Variants in TRIM24 observed in about 807,000 individuals in gnomAD.
TRIM24 encodes tripartite motif containing 24.
A neutral mutation model predicts 123.9 loss-of-function variants in TRIM24; 29 were observed. That is an observed-to-expected ratio of 0.23 (90% confidence interval 0.17 to 0.32). The LOEUF is 0.32. Among genes scored for constraint, TRIM24 ranks in the 10% least tolerant of loss-of-function variants. The probability of loss-of-function intolerance (pLI) is 1.00; values close to 1 mark genes in which losing one functional copy is unlikely to be tolerated. For synonymous variants in TRIM24, 456 were observed against 461.1 expected (o/e 0.99, Z 0.14); for missense variants, 932 against 1,295.3 (o/e 0.72, Z 4.31).
Position 138,578,287 on chromosome 7 carries a change from A to G in TRIM24, c.2256+699A>G, listed in dbSNP as rs1006501945. Among the ~76,000 whole-genome samples the G allele has an allele frequency of 7.2e-5, 11 of 152,020 alleles. No individual in the cohort carries two copies. In the East Asian group the frequency reaches 1.5e-3, roughly 21 times the overall value. ...TGAACAATATTTAAATAATAATAATAATGATGTAAACAAACACCTGAGTAC... is the reference window on the plus strand; with the variant it reads ...TGAACAATATTTAAATAATAATAATGATGATGTAAACAAACACCTGAGTAC... On this transcript the variant is annotated intron_variant, in intron 14 of 18. Transcript: ENST00000343526.
At chr7:138,480,886 A>G (rs1328065718) in intron 1 of TRIM24, among the ~76,000 whole-genome samples, 3 of 152,138 alleles carry the variant, frequency 2.0e-5, no homozygotes, top group African/African-American at 7.2e-5. Flanking sequence ...CACTTTCCAT[A>G]TCCATCATTT....
intron 2 of TRIM24, among the ~76,000 whole-genome samples, chr7:138,513,477 A>AT (rs1477791688): frequency 1.1e-4 from 16 of 152,320 alleles, no homozygotes; most frequent in African/African-American, 3.8e-4. Context: ...TACAGGAAGC[A>AT]TGATCCTGGC....
rs112876143 is a variant in TRIM24, at chr7:138,579,862, G to A, written c.2585+330G>A. Among the ~76,000 whole-genome samples, 732 of 152,264 alleles carry A rather than the reference G, an allele frequency of 4.8e-3. 7 individuals are homozygous for A. Among genetic ancestry groups the A allele is most frequent in the African/African-American group, 0.017 (686 of 41,550 alleles). On this transcript the variant is annotated intron_variant, in intron 15 of 18. Coordinates refer to ENST00000343526, the MANE Select transcript of TRIM24 (RefSeq NM_015905.3). ...TGGTTGAGCCTGAGAGGTCAAGGCT[G>A]CAGTAAGCTGTGCTTGCACCACTGC...
Position 138,554,659 on chromosome 7 carries a change from C to CT in TRIM24, c.1262-38dup. Reference sequence around the variant, plus strand: ...GAAAATGTGATATTTCACCAACTATCTGAAAAACTGTTTCCCTTAACCTTT... The same window carrying CT: ...GAAAATGTGATATTTCACCAACTATCTTGAAAAACTGTTTCCCTTAACCTTT... On this transcript the variant is annotated intron_variant, in intron 8 of 18. Coordinates refer to ENST00000343526, the MANE Select transcript of TRIM24 (RefSeq NM_015905.3). The surrounding 1 kb of genome is among the most constrained non-coding windows in gnomAD (Gnocchi z 4.5). 6.3e-7 allele frequency: 1 copy of CT among 1,579,060 alleles called. No individual in the cohort carries two copies. Among genetic ancestry groups the CT allele is most frequent in the Non-Finnish European group, 8.6e-7 (1 of 1,162,256 alleles).
intron 7 of TRIM24, 105 bp from the exon 8 acceptor site, chr7:138,550,958 G>A (rs1195058338): frequency 2.3e-6 from 2 of 867,882 alleles, no homozygotes; most frequent in African/African-American, 1.7e-5. Context: ...ATATATGATT[G>A]TTTATTGTGT....
chr7:138,565,009 A>G (rs769744145), intron 9 of TRIM24, among the ~76,000 whole-genome samples: 19 of 152,090 alleles, frequency 1.2e-4, no homozygotes, highest in East Asian at 9.7e-4. Context: ...TTTGACCCCC[A>G]CAATTACTAA....
intron 18 of TRIM24, 102 bp downstream of exon 18, chr7:138,584,101 GAAT>G: frequency 7.4e-7 from 1 of 1,351,300 alleles, no homozygotes; most frequent in East Asian, 2.6e-5. Flanking sequence ...GTCTGAGTTA[GAAT>G]AAATTTCCAA....
chr7:138,583,852 G>A lies in TRIM24; in HGVS notation c.2796G>A (p.Val932=), dbSNP rs1005874456. Residue 932 remains valine, a splice_region_variant and synonymous_variant, in exon 18 of 19, where the codon GTG becomes GTA. Transcript: ENST00000343526. Reference sequence around the variant, plus strand: ...ATAACATCTCATTTTTTTAATAGGTGCCTGATTATTACAAAATAATTAAAA... The same window carrying A: ...ATAACATCTCATTTTTTTAATAGGTACCTGATTATTACAAAATAATTAAAA... ...LAFQDPVPLT[V]PDYYKIIKNP... 11 of 1,556,566 alleles carry A rather than the reference G, an allele frequency of 7.1e-6. No individual in the cohort carries two copies. The African/African-American group carries it at 1.5e-4, about 22-fold the overall frequency.
chr7:138,521,595 T>C (rs780351141), intron 4 of TRIM24, among the ~76,000 whole-genome samples: 1 of 152,224 alleles, frequency 6.6e-6, no homozygotes, highest in Non-Finnish European at 1.5e-5. Flanking sequence ...TTGGTAGATC[T>C]ACAAATATAC....
intron 11 of TRIM24, among the ~76,000 whole-genome samples, chr7:138,572,591 A>G (rs1797680180): frequency 6.6e-6 from 1 of 152,164 alleles, no homozygotes; most frequent in Non-Finnish European, 1.5e-5. Flanking sequence ...CATTCCTCCC[A>G]AAGGTGCTTC....
chr7:138,529,482 A>ATC (rs1356918828), intron 6 of TRIM24, among the ~76,000 whole-genome samples: 1 of 152,116 alleles, frequency 6.6e-6, no homozygotes, highest in Non-Finnish European at 1.5e-5. Flanking sequence ...TTGTAGGAGG[A>ATC]TCTCTGAATG....
At chr7:138,497,004 T>A (rs925749757) in intron 1 of TRIM24, among the ~76,000 whole-genome samples, 3 of 152,214 alleles carry the variant, frequency 2.0e-5, no homozygotes, top group African/African-American at 7.2e-5. Flanking sequence ...TTTTTGTTAC[T>A]TTTTGTTTAT....
intron 10 of TRIM24, 73 bp from the exon 11 acceptor site, chr7:138,570,757 G>T: frequency 6.8e-7 from 1 of 1,479,226 alleles, no homozygotes; most frequent in Non-Finnish European, 9.2e-7. Context: ...TTCATTTTGT[G>T]TGAGTGATTA....
Position 138,537,103 on chromosome 7 carries a change from T to A in TRIM24, c.997-1554T>A, listed in dbSNP as rs1796894128. ...GGTGGGAGTGACTCGATTTTCCAGG[T>A]GCCGTCTGTCACAGCTTCCCTTGGT... On this transcript the variant is annotated intron_variant, in intron 6 of 18. Coordinates refer to ENST00000343526, the MANE Select transcript of TRIM24 (RefSeq NM_015905.3). Among the ~76,000 whole-genome samples the A allele has an allele frequency of 2.0e-5, 3 of 152,256 alleles. No individual in the cohort carries two copies. In the Middle Eastern group the frequency reaches 0.01, roughly 518 times the overall value.
chr7:138,579,788 T>A (rs955318961), intron 15 of TRIM24, among the ~76,000 whole-genome samples: 6 of 152,098 alleles, frequency 3.9e-5, no homozygotes, highest in Non-Finnish European at 8.8e-5. Flanking sequence ...CCGGGTATGG[T>A]AGTGCATGCC....
chr7:138,460,559 C>A lies in TRIM24; in HGVS notation c.11C>A (p.Ala4Glu). ...GGCAAGGGCAGGACAATGGAGGTGG[C>A]GGTGGAGAAGGCGGTGGCGGCGGCG... MEV[A>E]VEKAVAAAAA... The change falls in exon 1 of 19, where the codon GCG (alanine) becomes GAG (glutamate). Residue 4 changes from alanine (A) to glutamate (E), a missense_variant. Coordinates refer to ENST00000343526, the MANE Select transcript of TRIM24 (RefSeq NM_015905.3). 7.6e-7 allele frequency: 1 copy of A among 1,308,868 alleles called. No individual in the cohort carries two copies. Among genetic ancestry groups the A allele is most frequent in the Non-Finnish European group, 9.6e-7 (1 of 1,038,984 alleles). 81.1% of individuals were successfully genotyped at this position (1,308,868 alleles called of 1,614,324 possible).
At chr7:138,490,851 G>T (rs1307954898) in intron 1 of TRIM24, 21 of 457,806 alleles carry the variant, frequency 4.6e-5, no homozygotes, top group Non-Finnish European at 8.5e-5. Context: ...TACCTGTCAG[G>T]TCATGATTTC....
chr7:138,531,452 A>G (rs28762120), intron 6 of TRIM24, among the ~76,000 whole-genome samples: 3,254 of 149,842 alleles, frequency 0.022, 100 homozygotes, highest in African/African-American at 0.073. Flanking sequence ...CCACCTATGA[A>G]TGAGAACATG....
At position 138,488,841 on chromosome 7, in the gene TRIM24, A is replaced by G. The variant is rs369516978; in HGVS notation, c.365-15449A>G. On this transcript the variant is annotated intron_variant, in intron 1 of 18. Transcript: ENST00000343526. ...TATATTCTGTTGATTTGGGGTGGAG[A>G]GTTCTGTAGATGTCTCTTAGGTCTG... is the stretch of plus-strand genomic sequence containing the variant. 3.9e-5 allele frequency among the ~76,000 whole-genome samples: 6 copies of G among 152,154 alleles called. No individual in the cohort carries two copies. In the East Asian group the frequency reaches 5.8e-4, roughly 15 times the overall value.
Sources: allele counts gnomAD v4.1 joint callset (sites outside exome capture counted in the v4.1 genomes callset), GRCh38; gene constraint gnomAD v4.1.1; non-coding constraint Gnocchi (gnomAD v3.1); transcripts MANE v1.5; gene names NCBI Gene and HGNC (gene_info 2026-07-23, HGNC 2026-07-21).